WASL: variants seen among roughly 807,000 people sequenced by gnomAD.
WASL encodes the protein actin nucleation-promoting factor WASL.
In WASL, 20 loss-of-function variants were observed where a neutral mutation model predicts 55.5. The ratio of observed to expected loss-of-function variants is 0.36; its 90% CI spans 0.25 to 0.52. The LOEUF is 0.52. Among genes scored for constraint, WASL ranks in the 20% least tolerant of loss-of-function variants. WASL has a pLI of 0.92. For synonymous variants in WASL, 249 were observed against 217.6 expected (o/e 1.14, Z -1.27); for missense variants, 504 against 622.5 (o/e 0.81, Z 2.03).
At chr7:123,743,592 G>C (rs1804383279) in intron 1 of WASL, among the ~76,000 whole-genome samples, 1 of 152,094 alleles carries the variant, frequency 6.6e-6, no homozygotes, top group Non-Finnish European at 1.5e-5. Context: ...ATACAATATA[G>C]AGCTGAAAAT....
At chr7:123,700,203 A>AAAAAAAAAAAC (rs1562959037) in intron 5 of WASL, among the ~76,000 whole-genome samples, 8 of 72,002 alleles carry the variant, frequency 1.1e-4, no homozygotes, top group African/African-American at 4.1e-4. Context: ...AAAAAAAAAA[A>AAAAAAAAAAAC]AAAACAACAT....
At chr7:123,733,465 A>G (rs890287031) in intron 1 of WASL, among the ~76,000 whole-genome samples, 4 of 152,176 alleles carry the variant, frequency 2.6e-5, no homozygotes, top group African/African-American at 9.6e-5. Context: ...ATATGACTAC[A>G]AAATTTTGAT....
intron 1 of WASL, among the ~76,000 whole-genome samples, chr7:123,718,528 G>C (rs1803883872): frequency 6.6e-6 from 1 of 152,084 alleles, no homozygotes; most frequent in East Asian, 1.9e-4. Flanking sequence ...AAGGAGGAGA[G>C]TCTTCTATAT....
At chr7:123,700,237 A>T (rs998952144) in intron 5 of WASL, among the ~76,000 whole-genome samples, 5 of 151,256 alleles carry the variant, frequency 3.3e-5, no homozygotes, top group Non-Finnish European at 7.4e-5. Context: ...CTATAAAGAA[A>T]AATCCATATA....
intron 5 of WASL, among the ~76,000 whole-genome samples, chr7:123,700,660 G>C (rs1454201030): frequency 6.6e-6 from 1 of 152,098 alleles, no homozygotes; most frequent in African/African-American, 2.4e-5. Context: ...GGATGGTCTT[G>C]ATTTCCTGAC....
intron 1 of WASL, among the ~76,000 whole-genome samples, chr7:123,731,065 T>C (rs971135994): frequency 7.9e-5 from 12 of 152,034 alleles, no homozygotes; most frequent in African/African-American, 2.7e-4. Context: ...AGCAAAGGGA[T>C]AGAGAAAGAC....
intron 2 of WASL, among the ~76,000 whole-genome samples, chr7:123,707,899 A>G (rs1462003018): frequency 6.6e-6 from 1 of 152,156 alleles, no homozygotes; most frequent in East Asian, 1.9e-4. Flanking sequence ...AGATGCACTA[A>G]TTTAGCCCGG....
chr7:123,720,272 G>A (rs1240940760), intron 1 of WASL: 1 of 421,314 alleles, frequency 2.4e-6, no homozygotes, highest in Non-Finnish European at 4.6e-6. Flanking sequence ...CGAATATTTT[G>A]GTCATCAAGA....
intron 5 of WASL, among the ~76,000 whole-genome samples, chr7:123,698,068 T>C (rs956084845): frequency 6.6e-5 from 10 of 152,134 alleles, no homozygotes; most frequent in Non-Finnish European, 1.3e-4. Flanking sequence ...GTTTTTTTTT[T>C]TTATGAACTT....
chr7:123,715,610 G>A (rs1260197831), intron 1 of WASL, among the ~76,000 whole-genome samples: 1 of 152,110 alleles, frequency 6.6e-6, no homozygotes, highest in Non-Finnish European at 1.5e-5. Context: ...AATCATAAAA[G>A]TTTTAGACCT....
intron 5 of WASL, among the ~76,000 whole-genome samples, chr7:123,699,983 T>C (rs1480675342): frequency 2.6e-5 from 4 of 151,870 alleles, no homozygotes; most frequent in African/African-American, 7.3e-5. Flanking sequence ...GAGACCATCC[T>C]GGCTAACACG....
At chr7:123,714,409 A>G (rs546308666) in intron 1 of WASL, among the ~76,000 whole-genome samples, 4 of 152,310 alleles carry the variant, frequency 2.6e-5, no homozygotes, top group African/African-American at 9.6e-5. Context: ...CAATGACAAA[A>G]GACTCCACAA....
rs144822723 is a variant in WASL, at chr7:123,692,504, T to C, written c.1190A>G (p.His397Arg). Residue 397 changes from histidine to arginine, a missense_variant, in exon 9 of 11, where the codon CAT becomes CGT. Coordinates refer to ENST00000223023, the MANE Select transcript of WASL (RefSeq NM_003941.4). The stretch of plus-strand genomic sequence containing the variant: ...GTTTCCTGCAGTAGTTGGAACCTGA[T>C]GGTCCCCATCAGAAGGCAGGCCAGG... ...PPPGLPSDGD[H>R]QVPTTAGNKA... 3 of 1,613,910 alleles carry C rather than the reference T, an allele frequency of 1.9e-6. No homozygotes were observed. Among genetic ancestry groups the C allele is most frequent in the Non-Finnish European group, 2.5e-6 (3 of 1,180,042 alleles).
intron 1 of WASL, among the ~76,000 whole-genome samples, chr7:123,724,237 C>G (rs1804005494): frequency 6.6e-6 from 1 of 152,168 alleles, no homozygotes; most frequent in Non-Finnish European, 1.5e-5. Flanking sequence ...CTGGGGCAAT[C>G]AACACTTTGA....
chr7:123,720,512 C>A (rs943496924), intron 1 of WASL, among the ~76,000 whole-genome samples: 2 of 152,154 alleles, frequency 1.3e-5, no homozygotes, highest in South Asian at 2.1e-4. Context: ...ATGCACAGAA[C>A]CTTCTGAAGA....
In WASL at chr7:123,748,662, G is replaced by C. The variant is rs762394166; in HGVS notation, c.73C>G (p.Gln25Glu). ...AAAGTGAAGAGGGACTCGTTCTCCT[G>C]CGGGGTGAGCAACAGGGACCCCACG... ...TNVGSLLLTP[Q>E]ENESLFTFLG... is the part of the protein sequence containing the mutation. Residue 25 changes from glutamine (Q) to glutamate (E), a missense_variant, in exon 1 of 11, where the codon CAG becomes GAG. By Grantham distance (29) the Gln-to-Glu change is conservative. Around this residue, in one of 5 missense-constraint regions of WASL, gnomAD observed 230 missense variants for 271.9 expected, o/e 0.85. Coordinates refer to ENST00000223023, the MANE Select transcript of WASL (RefSeq NM_003941.4). The C allele has an allele frequency of 6.2e-6, 10 of 1,613,044 alleles. No homozygotes were observed. Among genetic ancestry groups the C allele is most frequent in the South Asian group, 2.2e-5 (2 of 91,018 alleles).
At chr7:123,712,924 T>C (rs1803782403) in intron 1 of WASL, among the ~76,000 whole-genome samples, 1 of 152,144 alleles carries the variant, frequency 6.6e-6, no homozygotes, top group Non-Finnish European at 1.5e-5. Context: ...CAGGTCAGAA[T>C]AAGAATTTTA....
intron 3 of WASL, 134 bp downstream of exon 3, chr7:123,706,606 A>C: frequency 1.2e-6 from 1 of 800,566 alleles, no homozygotes; most frequent in Non-Finnish European, 2.0e-6. Flanking sequence ...ACTAATTTGA[A>C]TATTTCATCT....
At chr7:123,732,311 T>C (rs570167340) in intron 1 of WASL, among the ~76,000 whole-genome samples, 82 of 152,026 alleles carry the variant, frequency 5.4e-4, no homozygotes, top group South Asian at 1.5e-3. Context: ...GCCTGGGTGA[T>C]AGAGCGAGAC....
Sources: gnomAD v4.1 joint callset for allele counts (sites outside exome capture counted in the v4.1 genomes callset) on GRCh38, gnomAD v4.1.1 for gene constraint, gnomAD v4.1.1 regional missense constraint, MANE v1.5 for transcripts, NCBI Gene and HGNC (gene_info 2026-07-23, HGNC 2026-07-21) for gene names.